The following KIRREL3 variants were observed in gnomAD, a reference collection of about 807,000 sequenced individuals.
KIRREL3 encodes the protein kin of IRRE-like protein 3.
Under a neutral mutation model 89.7 loss-of-function variants are expected in KIRREL3, and 36 were observed. The ratio of observed to expected loss-of-function variants is 0.40; its 90% CI spans 0.31 to 0.53. The LOEUF (loss-of-function observed/expected upper bound fraction) is 0.53, where lower values mean the gene tolerates loss of function less well. KIRREL3 is among the 20% of genes least tolerant of loss of function. KIRREL3 has a pLI of 0.49. For synonymous variants in KIRREL3, 445 were observed against 441.4 expected (o/e 1.01, Z -0.10); for missense variants, 864 against 1,056.6 (o/e 0.82, Z 2.53).
At chr11:126,613,893 T>TTTTTTTTTTTTTTTTTTTG (rs371748740) in intron 1 of KIRREL3, among the ~76,000 whole-genome samples, 7 of 118,644 alleles carry the variant, frequency 5.9e-5, no homozygotes, top group Admixed American at 9.9e-5. Context: ...TTTTTTTTTT[T>TTTTTTTTTTTTTTTTTTTG]ATTTTTTTCC....
At position 126,642,261 on chromosome 11, in the gene KIRREL3, A is replaced by T. The variant is rs1944499838; in HGVS notation, c.56-79349T>A. 6.6e-6 allele frequency among the ~76,000 whole-genome samples: 1 copy of T among 152,198 alleles called. No individual in the cohort carries two copies. The highest frequency in any genetic ancestry group is 1.5e-5 in the Non-Finnish European group (1 of 68,028). On this transcript the variant is annotated intron_variant, in intron 1 of 16. Coordinates refer to ENST00000525144, the MANE Select transcript of KIRREL3 (RefSeq NM_032531.4). This position sits in a 1 kb window ranked among gnomAD's most constrained non-coding sequence, Gnocchi z 4.9. Reference sequence around the variant, plus strand: ...ACTGGTCTCATTGGGGTTGGTGGTTAGTTCTCACTTTCCCCATTTCTGAGA... The same window carrying T: ...ACTGGTCTCATTGGGGTTGGTGGTTTGTTCTCACTTTCCCCATTTCTGAGA...
intron 1 of KIRREL3, among the ~76,000 whole-genome samples, chr11:126,790,788 C>T (rs1394913608): frequency 6.6e-6 from 1 of 152,058 alleles, no homozygotes; most frequent in African/African-American, 2.4e-5. Flanking sequence ...GTGGAGCAGC[C>T]ACATCTGCTT....
Position 126,455,002 on chromosome 11 carries a change from C to T in KIRREL3, c.848+1347G>A, listed in dbSNP as rs1464617483. On this transcript the variant is annotated intron_variant, in intron 7 of 16. Transcript: ENST00000525144. The surrounding 1 kb of genome is among the most constrained non-coding windows in gnomAD (Gnocchi z 6.4). ...TGTCCAACCTGAATCCCTGGCTGTC[C>T]CTGTGGCCCATTTCCTTCCATTCTG... Among the ~76,000 whole-genome samples, 1 of 152,218 alleles carries T rather than the reference C, an allele frequency of 6.6e-6. No homozygotes were observed. Among genetic ancestry groups the T allele is most frequent in the Non-Finnish European group, 1.5e-5 (1 of 68,044 alleles).
chr11:126,569,856 C>T lies in KIRREL3; in HGVS notation c.56-6944G>A, dbSNP rs922981292. Among the ~76,000 whole-genome samples, 4 of 152,156 alleles carry T rather than the reference C, an allele frequency of 2.6e-5. No individual in the cohort carries two copies. The highest frequency in any genetic ancestry group is 9.7e-5 in the African/African-American group (4 of 41,430). ...CTATCAATAGCCATCAGTAGCCATT[C>T]TGCCCAGCGATGCCATTCTGATTGC... On this transcript the variant is annotated intron_variant, in intron 1 of 16. Transcript: ENST00000525144. This position sits in a 1 kb window ranked among gnomAD's most constrained non-coding sequence, Gnocchi z 6.5.
intron 7 of KIRREL3, among the ~76,000 whole-genome samples, chr11:126,451,730 A>G (rs1591560066): frequency 6.6e-6 from 1 of 152,222 alleles, no homozygotes; most frequent in Non-Finnish European, 1.5e-5. Context: ...GTGCATATGC[A>G]TGTGAAGTTG....
intron 1 of KIRREL3, among the ~76,000 whole-genome samples, chr11:126,967,009 T>C (rs1949292561): frequency 1.3e-5 from 2 of 152,152 alleles, no homozygotes; most frequent in Admixed American, 1.3e-4. Context: ...ATTTGAGAGG[T>C]GATCTTATCC....
At chr11:126,497,497 G>C (rs1025958418) in intron 4 of KIRREL3, among the ~76,000 whole-genome samples, 7 of 152,182 alleles carry the variant, frequency 4.6e-5, no homozygotes, top group Non-Finnish European at 1.0e-4. Flanking sequence ...TACAGTGGCC[G>C]CAGGGCCACA....
chr11:126,446,548 G>A (rs950205890), intron 9 of KIRREL3, among the ~76,000 whole-genome samples: 4 of 152,230 alleles, frequency 2.6e-5, no homozygotes, highest in Non-Finnish European at 4.4e-5. Flanking sequence ...GACAGGGCAA[G>A]AGTGCAATGG....
chr11:126,604,618 C>T (rs1429838827), intron 1 of KIRREL3, among the ~76,000 whole-genome samples: 2 of 152,198 alleles, frequency 1.3e-5, no homozygotes, highest in Admixed American at 6.5e-5. Flanking sequence ...CGTTGGCTTA[C>T]AGGTGTGTCC....
intron 1 of KIRREL3, among the ~76,000 whole-genome samples, chr11:126,659,010 C>A (rs1298366698): frequency 6.6e-6 from 1 of 152,196 alleles, no homozygotes; most frequent in African/African-American, 2.4e-5. Context: ...GGCCAGTGGG[C>A]ATCCATCAAG....
In KIRREL3 at chr11:126,640,588, A is replaced by T. The variant is rs1944430790; in HGVS notation, c.56-77676T>A. On this transcript the variant is annotated intron_variant, in intron 1 of 16. Transcript: ENST00000525144. The surrounding 1 kb of genome is among the most constrained non-coding windows in gnomAD (Gnocchi z 4.9). Reference sequence around the variant, plus strand: ...GTGGCGAAGAGGGTCCAGCAGTCAGATTAATACACCTCATAGCATTTAGTC... The same window carrying T: ...GTGGCGAAGAGGGTCCAGCAGTCAGTTTAATACACCTCATAGCATTTAGTC... 6.6e-6 allele frequency among the ~76,000 whole-genome samples: 1 copy of T among 152,074 alleles called. No homozygotes were observed. The highest frequency in any genetic ancestry group is 2.4e-5 in the African/African-American group (1 of 41,408).
chr11:126,858,949 G>A (rs889118564), intron 1 of KIRREL3, among the ~76,000 whole-genome samples: 1 of 152,186 alleles, frequency 6.6e-6, no homozygotes, highest in East Asian at 1.9e-4. Context: ...TCTGCTCCTG[G>A]CTGTGGCATT....
At chr11:126,665,958 C>A (rs1475417147) in intron 1 of KIRREL3, among the ~76,000 whole-genome samples, 2 of 152,182 alleles carry the variant, frequency 1.3e-5, no homozygotes, top group Non-Finnish European at 2.9e-5. Context: ...TATATACAAA[C>A]TTAGAGTAGT....
chr11:126,512,313 C>T (rs1448113830), intron 4 of KIRREL3, among the ~76,000 whole-genome samples: 4 of 152,218 alleles, frequency 2.6e-5, no homozygotes, highest in African/African-American at 7.2e-5. Flanking sequence ...TAAGTACCTG[C>T]GTGCACCAGC....
intron 11 of KIRREL3, among the ~76,000 whole-genome samples, chr11:126,437,905 TCACA>T (rs1401176590): frequency 6.6e-6 from 1 of 152,036 alleles, no homozygotes; most frequent in Non-Finnish European, 1.5e-5. Context: ...CACCATGTGC[TCACA>T]CACACAAGTA....
In KIRREL3 at chr11:126,766,411, C is replaced by T. The variant is rs1814561110; in HGVS notation, c.56-203499G>A. 6.6e-6 allele frequency among the ~76,000 whole-genome samples: 1 copy of T among 152,106 alleles called. No individual in the cohort carries two copies. The highest frequency in any genetic ancestry group is 2.4e-5 in the African/African-American group (1 of 41,430). ...AGAGGGGTAGAGTTAGAATCTTCTG[C>T]TATTTTGCTTTTTCTCTCTTTTCTC... is the stretch of plus-strand genomic sequence containing the variant. On this transcript the variant is annotated intron_variant, in intron 1 of 16. Coordinates refer to ENST00000525144, the MANE Select transcript of KIRREL3 (RefSeq NM_032531.4). The surrounding 1 kb of genome is among the most constrained non-coding windows in gnomAD (Gnocchi z 4.2).
In KIRREL3 at chr11:126,477,570, T is replaced by C. The variant is rs981422938; in HGVS notation, c.434-4104A>G. 1.3e-5 allele frequency among the ~76,000 whole-genome samples: 2 copies of C among 152,206 alleles called. No homozygotes were observed. Among genetic ancestry groups the C allele is most frequent in the African/African-American group, 4.8e-5 (2 of 41,460 alleles). On this transcript the variant is annotated intron_variant, in intron 4 of 16. Coordinates refer to ENST00000525144, the MANE Select transcript of KIRREL3 (RefSeq NM_032531.4). This position sits in a 1 kb window ranked among gnomAD's most constrained non-coding sequence, Gnocchi z 4.8. Reference sequence around the variant, plus strand: ...TGTAACTGGAGAGGTAAAGCTTTCATCTATTTCACGCACTAAGGTTCTCTC... The same window carrying C: ...TGTAACTGGAGAGGTAAAGCTTTCACCTATTTCACGCACTAAGGTTCTCTC...
At chr11:126,518,537 A>C (rs1958487549) in intron 4 of KIRREL3, among the ~76,000 whole-genome samples, 1 of 152,374 alleles carries the variant, frequency 6.6e-6, no homozygotes, top group Non-Finnish European at 1.5e-5. Context: ...ATCTCAGGCA[A>C]ATACAGACTA....
At position 126,985,556 on chromosome 11, in the gene KIRREL3, G is replaced by T. The variant is rs927087289; in HGVS notation, c.55+14899C>A. On this transcript the variant is annotated intron_variant, in intron 1 of 16. Transcript: ENST00000525144. The surrounding 1 kb of genome is among the most constrained non-coding windows in gnomAD (Gnocchi z 5.3). Reference sequence around the variant, plus strand: ...CAAAAGGAGCTGAGTCTTTAGGGTAGAAGTTATCTAGACTAACCTGGGGGA... The same window carrying T: ...CAAAAGGAGCTGAGTCTTTAGGGTATAAGTTATCTAGACTAACCTGGGGGA... Among the ~76,000 whole-genome samples the T allele has an allele frequency of 1.3e-5, 2 of 152,144 alleles. No homozygotes were observed. Among genetic ancestry groups the T allele is most frequent in the African/African-American group, 4.8e-5 (2 of 41,418 alleles).
Sources: gnomAD v4.1 joint callset for allele counts (sites outside exome capture counted in the v4.1 genomes callset) on GRCh38, gnomAD v4.1.1 for gene constraint, Gnocchi (gnomAD v3.1) non-coding constraint, MANE v1.5 for transcripts, NCBI Gene and HGNC (gene_info 2026-07-23, HGNC 2026-07-21) for gene names.